Variants in FBXW8 observed in about 807,000 individuals in gnomAD.
FBXW8 encodes the protein F-box/WD repeat-containing protein 8.
FBXW8 carries 57 observed loss-of-function variants against 65.3 expected under a neutral mutation model. The observed-to-expected ratio is 0.87, with a 90% CI of 0.71 to 1.09. The LOEUF is 1.09. FBXW8 is among the 50% of genes least tolerant of loss of function. The pLI, the probability that FBXW8 is intolerant of heterozygous loss-of-function variation, is 0.00. For missense variants in FBXW8, 777 were observed against 814.8 expected (o/e 0.95, Z 0.57); for synonymous variants, 308 against 330.2 (o/e 0.93, Z 0.73).
intron 1 of FBXW8, among the ~76,000 whole-genome samples, chr12:116,915,040 A>C (rs1210864804): frequency 6.6e-6 from 1 of 152,238 alleles, no homozygotes; most frequent in Non-Finnish European, 1.5e-5. Context: ...GGCTATTTTC[A>C]ACTAATCTGT....
chr12:116,936,642 G>A lies in FBXW8; in HGVS notation c.423+8515G>A, dbSNP rs542091361. Among the ~76,000 whole-genome samples, 81 of 152,236 alleles carry A rather than the reference G, an allele frequency of 5.3e-4. No individual in the cohort carries two copies. The highest frequency in any genetic ancestry group is 1.0e-3 in the Non-Finnish European group (68 of 68,006). ...AAACTGTTTTCTTTCTGAAGCCTCC[G>A]GAAGGAATGCAGCCCTGCCCACACC... is the stretch of plus-strand genomic sequence containing the variant. On this transcript the variant is annotated intron_variant, in intron 2 of 10. Coordinates refer to ENST00000652555, the MANE Select transcript of FBXW8 (RefSeq NM_153348.3). The surrounding 1 kb of genome is among the most constrained non-coding windows in gnomAD (Gnocchi z 4.6).
chr12:116,956,331 C>T (rs1883647607), intron 4 of FBXW8, among the ~76,000 whole-genome samples: 1 of 152,172 alleles, frequency 6.6e-6, no homozygotes, highest in Admixed American at 6.5e-5. Context: ...TAAAAACACT[C>T]AGTTGTCCCA....
chr12:117,018,024 A>G (rs796625790), intron 8 of FBXW8, among the ~76,000 whole-genome samples: 1 of 152,154 alleles, frequency 6.6e-6, no homozygotes, highest in African/African-American at 2.4e-5. Flanking sequence ...AAGTGTTATA[A>G]TAAGTTATTC....
chr12:116,937,630 G>C (rs1421267249), intron 2 of FBXW8, among the ~76,000 whole-genome samples: 1 of 152,188 alleles, frequency 6.6e-6, no homozygotes, highest in South Asian at 2.1e-4. Flanking sequence ...CCTTGACCAG[G>C]GTCAGTGGTG....
intron 1 of FBXW8, among the ~76,000 whole-genome samples, chr12:116,916,911 T>TGTGTGTGTGA (rs59006120): frequency 4.1e-5 from 6 of 145,720 alleles, no homozygotes; most frequent in South Asian, 2.2e-4. Flanking sequence ...TGTGTGTGTG[T>TGTGTGTGTGA]GAGAGAGAGA....
At chr12:116,943,537 G>T (rs1196323639) in intron 2 of FBXW8, among the ~76,000 whole-genome samples, 3 of 152,196 alleles carry the variant, frequency 2.0e-5, no homozygotes, top group African/African-American at 7.2e-5. Context: ...AAGTCTCCCA[G>T]CCTTTGCTGA....
At chr12:116,918,739 C>G (rs578085900) in intron 1 of FBXW8, among the ~76,000 whole-genome samples, 1 of 152,290 alleles carries the variant, frequency 6.6e-6, no homozygotes, top group African/African-American at 2.4e-5. Flanking sequence ...GAGGTCAGCT[C>G]TGCCTAAATT....
chr12:117,027,643 T>TA, intron 10 of FBXW8, 139 bp downstream of exon 10: 1 of 715,450 alleles, frequency 1.4e-6, no homozygotes, highest in Non-Finnish European at 2.4e-6. Flanking sequence ...ATTGGAAACA[T>TA]AAACGTGGAT....
At chr12:116,971,443 C>T (rs976440347) in intron 5 of FBXW8, among the ~76,000 whole-genome samples, 2 of 151,734 alleles carry the variant, frequency 1.3e-5, no homozygotes, top group Admixed American at 6.6e-5. Context: ...TTAAGTTGAC[C>T]TCCACCTGGC....
intron 2 of FBXW8, among the ~76,000 whole-genome samples, chr12:116,928,819 C>CT (rs1169226705): frequency 5.3e-5 from 8 of 151,300 alleles, no homozygotes; most frequent in Middle Eastern, 3.2e-3. Flanking sequence ...AGTCAACTTT[C>CT]TTTTTTTTTG....
intron 1 of FBXW8, among the ~76,000 whole-genome samples, chr12:116,916,027 CAT>C (rs1195563145): frequency 2.6e-5 from 4 of 152,146 alleles, no homozygotes; most frequent in African/African-American, 9.7e-5. Context: ...AGCACATACT[CAT>C]GTGTCTTTGA....
intron 8 of FBXW8, among the ~76,000 whole-genome samples, chr12:117,020,536 C>G (rs1954070105): frequency 6.6e-6 from 1 of 152,208 alleles, no homozygotes; most frequent in Non-Finnish European, 1.5e-5. Flanking sequence ...ATATTTATCT[C>G]TTTGTGCTCC....
intron 2 of FBXW8, among the ~76,000 whole-genome samples, chr12:116,929,304 G>A (rs551995630): frequency 3.9e-5 from 6 of 152,060 alleles, no homozygotes; most frequent in African/African-American, 1.4e-4. Context: ...GCGCGATCTC[G>A]GCTTCCTGCA....
chr12:117,012,281 A>G (rs1953840079), intron 8 of FBXW8, among the ~76,000 whole-genome samples: 1 of 152,148 alleles, frequency 6.6e-6, no homozygotes, highest in East Asian at 1.9e-4. Flanking sequence ...TTAGTAAGCC[A>G]ATGTTACATT....
At chr12:116,939,225 C>T (rs188270219) in intron 2 of FBXW8, among the ~76,000 whole-genome samples, 9 of 152,286 alleles carry the variant, frequency 5.9e-5, no homozygotes, top group Admixed American at 4.6e-4. Flanking sequence ...AAATTAGAAA[C>T]TTTTTCAGTG....
intron 5 of FBXW8, among the ~76,000 whole-genome samples, chr12:116,984,851 A>G (rs1266755031): frequency 6.6e-6 from 1 of 152,170 alleles, no homozygotes; most frequent in East Asian, 1.9e-4. Context: ...TTAGCTGGGT[A>G]TGGTGGCACA....
At chr12:116,952,242 A>G (rs1883332951) in intron 4 of FBXW8, among the ~76,000 whole-genome samples, 1 of 152,216 alleles carries the variant, frequency 6.6e-6, no homozygotes. Flanking sequence ...AGGCTCTGCC[A>G]CCTGGGTTTG....
At chr12:116,915,631 A>T in intron 1 of FBXW8, among the ~76,000 whole-genome samples, 1 of 108,916 alleles carries the variant, frequency 9.2e-6, no homozygotes, top group African/African-American at 3.7e-5. Flanking sequence ...GTAACCACTC[A>T]CCTGACTACT....
intron 2 of FBXW8, among the ~76,000 whole-genome samples, chr12:116,935,261 C>T (rs796775641): frequency 1.3e-5 from 2 of 152,184 alleles, no homozygotes; most frequent in Admixed American, 6.5e-5. Flanking sequence ...GAACCAAAGA[C>T]CAGCATATTA....
Sources: gnomAD v4.1 joint callset for allele counts (sites outside exome capture counted in the v4.1 genomes callset) on GRCh38, gnomAD v4.1.1 for gene constraint, Gnocchi (gnomAD v3.1) non-coding constraint, MANE v1.5 for transcripts, NCBI Gene and HGNC (gene_info 2026-07-23, HGNC 2026-07-21) for gene names.